Variants in NPEPPS observed in about 807,000 individuals in gnomAD.
NPEPPS encodes aminopeptidase puromycin sensitive.
A neutral mutation model predicts 115.5 loss-of-function variants in NPEPPS; 14 were observed. The observed-to-expected ratio is 0.12, with a 90% CI of 0.08 to 0.19. The LOEUF (loss-of-function observed/expected upper bound fraction) is 0.19, where lower values mean the gene tolerates loss of function less well. Ranked by LOEUF, NPEPPS falls within the 10% of genes least tolerant of loss-of-function variation. NPEPPS has a pLI of 1.00. For missense variants in NPEPPS, 523 were observed against 1,110.8 expected (o/e 0.47, Z 7.52); for synonymous variants, 285 against 390.6 (o/e 0.73, Z 3.19).
At chr17:47,582,651 G>C (rs1041285886) in intron 4 of NPEPPS, 91 bp from the exon 5 acceptor site, 12 of 829,866 alleles carry the variant, frequency 1.4e-5, no homozygotes, top group Non-Finnish European at 2.4e-5. Context: ...ACAAGGGAAT[G>C]AATGAATGAC....
intron 1 of NPEPPS, among the ~76,000 whole-genome samples, chr17:47,524,598 C>T (rs1026081242): frequency 1.3e-5 from 2 of 151,700 alleles, no homozygotes; most frequent in Non-Finnish European, 2.9e-5. Flanking sequence ...GGGTTCACAC[C>T]ATTCTCCTGC....
chr17:47,557,183 A>G (rs935822835), intron 2 of NPEPPS, among the ~76,000 whole-genome samples: 11 of 151,694 alleles, frequency 7.3e-5, no homozygotes, highest in Admixed American at 3.9e-4. Context: ...GTTTCAAGTG[A>G]TTCTTATGCC....
rs371431468 is a variant in NPEPPS, at chr17:47,525,635, G to A, written c.77+2572G>A. Among the ~76,000 whole-genome samples, 39 of 152,306 alleles carry A rather than the reference G, an allele frequency of 2.6e-4. No individual in the cohort carries two copies. The East Asian group carries it at 6.4e-3, about 25-fold the overall frequency. ...TGGGATTACAGGCGTGAGGCATGGT[G>A]CCTAGCCTAGTGTTTTGTTTTTAAT... On this transcript the variant is annotated intron_variant, in intron 1 of 5. Transcript: ENST00000525007.
intron 2 of NPEPPS, among the ~76,000 whole-genome samples, chr17:47,556,811 T>C (rs1910073873): frequency 6.6e-6 from 1 of 152,082 alleles, no homozygotes; most frequent in Non-Finnish European, 1.5e-5. Context: ...GCCCGGCTAA[T>C]TTTTGTATTT....
chr17:47,523,472 G>A (rs1197851183), intron 1 of NPEPPS, among the ~76,000 whole-genome samples: 1 of 151,338 alleles, frequency 6.6e-6, no homozygotes, highest in South Asian at 2.1e-4. Flanking sequence ...CCAGGCTGGA[G>A]TGCAATGGCG....
At chr17:47,566,693 G>A (rs918687831) in intron 2 of NPEPPS, among the ~76,000 whole-genome samples, 1 of 151,786 alleles carries the variant, frequency 6.6e-6, no homozygotes, top group African/African-American at 2.4e-5. Flanking sequence ...AAAGTGCTGG[G>A]ATTACAGGCG....
chr17:47,594,573 G>T (rs1912726852), intron 12 of NPEPPS, among the ~76,000 whole-genome samples: 1 of 143,266 alleles, frequency 7.0e-6, no homozygotes, highest in Non-Finnish European at 1.5e-5. Flanking sequence ...ACCACGGCCG[G>T]CTAATTTTGT....
chr17:47,535,586 A>G (rs891900767), intron 1 of NPEPPS, among the ~76,000 whole-genome samples: 2 of 149,750 alleles, frequency 1.3e-5, no homozygotes, highest in African/African-American at 4.9e-5. Context: ...TGTCTTTCAC[A>G]TTAGTGTGGT....
chr17:47,595,533 G>A (rs1159299390), intron 12 of NPEPPS, among the ~76,000 whole-genome samples: 1 of 152,078 alleles, frequency 6.6e-6, no homozygotes, highest in Non-Finnish European at 1.5e-5. Flanking sequence ...GAATGATTAA[G>A]TATATCTCAG....
At chr17:47,564,488 A>T (rs567343077) in intron 2 of NPEPPS, among the ~76,000 whole-genome samples, 1 of 152,212 alleles carries the variant, frequency 6.6e-6, no homozygotes, top group Non-Finnish European at 1.5e-5. Context: ...CTCCATTTTT[A>T]AAAGTTTTCT....
At chr17:47,529,967 C>T (rs1907617499), upstream of NPEPPS, among the ~76,000 whole-genome samples, 1 of 139,684 alleles carries the variant, frequency 7.2e-6, no homozygotes, top group Admixed American at 7.4e-5. Context: ...GACAGAGTCT[C>T]ACTCTGTCGC....
At position 47,621,601 on chromosome 17, in the gene NPEPPS, G is replaced by A. The variant is rs1299632564; in HGVS notation, c.2608-167G>A. Among the ~76,000 whole-genome samples, 3 of 152,258 alleles carry A rather than the reference G, an allele frequency of 2.0e-5. No individual in the cohort carries two copies. In the East Asian group the frequency reaches 5.8e-4, roughly 29 times the overall value. On this transcript the variant is annotated intron_variant, in intron 22 of 22. Coordinates refer to ENST00000322157, the MANE Select transcript of NPEPPS (RefSeq NM_006310.4). ...TTAAGGGGAGAATTCCTATATGCAGGTCCAAGGAGTTGCTTGTTTTCTTTT... is the reference window on the plus strand; with the variant it reads ...TTAAGGGGAGAATTCCTATATGCAGATCCAAGGAGTTGCTTGTTTTCTTTT...
chr17:47,578,527 ATTT>A (rs1239864897), intron 3 of NPEPPS, among the ~76,000 whole-genome samples: 1 of 152,024 alleles, frequency 6.6e-6, no homozygotes, highest in African/African-American at 2.4e-5. Context: ...AATAATTATA[ATTT>A]TTTATGTTAT....
intron 2 of NPEPPS, among the ~76,000 whole-genome samples, chr17:47,550,854 A>T (rs1909599204): frequency 6.6e-6 from 1 of 151,806 alleles, no homozygotes; most frequent in African/African-American, 2.4e-5. Context: ...CTCGAACTCG[A>T]GACCTCAGGT....
chr17:47,618,860 C>T (rs1914367213), intron 20 of NPEPPS, 149 bp from the exon 21 acceptor site: 3 of 716,206 alleles, frequency 4.2e-6, no homozygotes, highest in South Asian at 2.0e-5. Context: ...ACATTATCTT[C>T]TTTGCTGAGA....
At chr17:47,608,440 CG>C (rs1268962307) in intron 17 of NPEPPS, among the ~76,000 whole-genome samples, 1 of 114,206 alleles carries the variant, frequency 8.8e-6, no homozygotes, top group Non-Finnish European at 1.7e-5. Context: ...GGCAACAGAG[CG>C]GGACTCCGTC....
intron 15 of NPEPPS, 35 bp from the exon 16 acceptor site, chr17:47,603,880 A>G (rs775817126): frequency 2.6e-6 from 4 of 1,558,618 alleles, no homozygotes; most frequent in Non-Finnish European, 3.5e-6. Flanking sequence ...AAATTAATGG[A>G]GCTGTTTAAT....
intron 2 of NPEPPS, among the ~76,000 whole-genome samples, chr17:47,566,982 G>A (rs1050095544): frequency 6.6e-6 from 1 of 152,116 alleles, no homozygotes; most frequent in African/African-American, 2.4e-5. Context: ...CCCGGAGGCT[G>A]AGGTGGGAGA....
chr17:47,543,757 G>A (rs1218062550), intron 1 of NPEPPS, among the ~76,000 whole-genome samples: 2 of 152,116 alleles, frequency 1.3e-5, no homozygotes, highest in Non-Finnish European at 2.9e-5. Context: ...TAATTTGGCA[G>A]TTCTTGGTAA....
Sources: gnomAD v4.1 joint callset for allele counts (sites outside exome capture counted in the v4.1 genomes callset) on GRCh38, gnomAD v4.1.1 for gene constraint, MANE v1.5 for transcripts, NCBI Gene and HGNC (gene_info 2026-07-23, HGNC 2026-07-21) for gene names.